GPM6B: variants seen among roughly 807,000 people sequenced by gnomAD.
The protein encoded by GPM6B is neuronal membrane glycoprotein M6-b.
GPM6B carries 4 observed loss-of-function variants against 27.2 expected under a neutral mutation model. The observed-to-expected ratio is 0.15, with a 90% CI of 0.07 to 0.34. The LOEUF is 0.34. GPM6B is among the 10% of genes least tolerant of loss of function. GPM6B has a pLI of 1.00. For missense variants in GPM6B, 183 were observed against 261.9 expected (o/e 0.70, Z 2.08); for synonymous variants, 124 against 103.1 (o/e 1.20, Z -1.23).
At chrX:13,777,561 C>G (rs1286337802) in intron 5 of GPM6B, 136 bp from the exon 6 acceptor site, 5 of 467,516 alleles carry the variant, frequency 1.1e-5, no homozygotes, top group Non-Finnish European at 1.9e-5. Context: ...GATCTGCTGT[C>G]TGCAGAACAA....
intron 1 of GPM6B, among the ~76,000 whole-genome samples, chrX:13,935,247 C>A (rs1262614682): frequency 9.5e-6 from 1 of 104,849 alleles, no homozygotes; most frequent in Non-Finnish European, 1.9e-5. Flanking sequence ...GCCTGTAATC[C>A]CAGCACTTTG....
intron 1 of GPM6B, among the ~76,000 whole-genome samples, chrX:13,916,903 G>T (rs750532107): frequency 9.0e-6 from 1 of 111,228 alleles, no homozygotes; most frequent in African/African-American, 3.3e-5. Context: ...ATTCATCACT[G>T]TGCCCATGAA....
At chrX:13,877,402 G>A (rs1199055716) in intron 1 of GPM6B, among the ~76,000 whole-genome samples, 1 of 111,598 alleles carries the variant, frequency 9.0e-6, no homozygotes, top group East Asian at 2.8e-4. Flanking sequence ...GGGAGTGAGT[G>A]GACTAGAATT....
At chrX:13,795,208 T>G (rs1396691640) in intron 2 of GPM6B, among the ~76,000 whole-genome samples, 1 of 112,350 alleles carries the variant, frequency 8.9e-6, no homozygotes, top group Non-Finnish European at 1.9e-5. Flanking sequence ...AGAACCAATA[T>G]TTTCCAAATA....
rs34401183 is a variant in GPM6B, at chrX:13,860,438, GTT to G, written c.-197-74632_-197-74631del. Reference sequence around the variant, plus strand: ...AGTCACTACAATCCCAAAACGTGGGGTTTTTTTTTTTTTTTTTGCTCTCAAAG... The same window carrying G: ...AGTCACTACAATCCCAAAACGTGGGGTTTTTTTTTTTTTTTGCTCTCAAAG... On this transcript the variant is annotated intron_variant, in intron 1 of 6. Transcript: ENST00000398361. Among the ~76,000 whole-genome samples the G allele has an allele frequency of 2.2e-3, 187 of 86,239 alleles. 1 individual carries two copies. The highest frequency in any genetic ancestry group is 6.1e-3 in the African/African-American group (143 of 23,419). The allele number at this position is 86,239 out of a possible 115,157, so 74.9% of individuals were successfully genotyped here.
intron 1 of GPM6B, among the ~76,000 whole-genome samples, chrX:13,896,798 C>T (rs978529951): frequency 9.0e-6 from 1 of 111,470 alleles, no homozygotes; most frequent in Non-Finnish European, 1.9e-5. Context: ...GAACTCCTGA[C>T]CTCAGGTGAT....
chrX:13,841,509 T>C (rs1040316405), intron 1 of GPM6B, among the ~76,000 whole-genome samples: 5 of 112,070 alleles, frequency 4.5e-5, no homozygotes, highest in East Asian at 5.6e-4. Flanking sequence ...CTCTCTAAAA[T>C]ACATGAGTTA....
intron 1 of GPM6B, among the ~76,000 whole-genome samples, chrX:13,840,441 T>C (rs1426012999): frequency 8.9e-6 from 1 of 111,751 alleles, no homozygotes; most frequent in Admixed American, 9.5e-5. Flanking sequence ...TGACATTTCC[T>C]GGTGTCCCCA....
chrX:13,938,397 G>A, exon 1 of GPM6B: 1 of 322,918 alleles, frequency 3.1e-6, no homozygotes, highest in Non-Finnish European at 5.1e-6. Context: ...AGAGGTGGCC[G>A]AGGAGGCGCC....
chrX:13,804,428 G>GC (rs1228487237), intron 2 of GPM6B, among the ~76,000 whole-genome samples: 20 of 79,012 alleles, frequency 2.5e-4, no homozygotes, highest in African/African-American at 9.8e-4. Flanking sequence ...GGGGGGGGCG[G>GC]GGGGCGGGGG....
At chrX:13,928,914 G>A (rs920578472) in intron 1 of GPM6B, among the ~76,000 whole-genome samples, 4 of 111,961 alleles carry the variant, frequency 3.6e-5, no homozygotes, top group Middle Eastern at 4.6e-3. Flanking sequence ...GGTTGTGGGG[G>A]CTGGGATGTA....
At chrX:13,935,747 C>G (rs908136610) in intron 1 of GPM6B, among the ~76,000 whole-genome samples, 2 of 112,202 alleles carry the variant, frequency 1.8e-5, no homozygotes, top group African/African-American at 6.5e-5. Context: ...AGAGTTAACA[C>G]TGAAGGGTGT....
chrX:13,906,270 C>G (rs1400817666), intron 1 of GPM6B, among the ~76,000 whole-genome samples: 2 of 112,139 alleles, frequency 1.8e-5, no homozygotes, highest in African/African-American at 6.5e-5. Flanking sequence ...AGGGAGCATG[C>G]TGAAATACAA....
At chrX:13,876,560 T>C (rs1470716427) in intron 1 of GPM6B, among the ~76,000 whole-genome samples, 2 of 111,588 alleles carry the variant, frequency 1.8e-5, no homozygotes, top group Non-Finnish European at 3.8e-5. Context: ...ATGAGAAACA[T>C]TAGGAAATGA....
intron 2 of GPM6B, among the ~76,000 whole-genome samples, chrX:13,790,402 A>AT: frequency 8.9e-6 from 1 of 112,142 alleles, no homozygotes; most frequent in East Asian, 2.8e-4. Context: ...AGCAGGGAGG[A>AT]ACTTGTGAGA....
intron 2 of GPM6B, among the ~76,000 whole-genome samples, chrX:13,788,960 G>A (rs1381630868): frequency 9.0e-6 from 1 of 111,602 alleles, no homozygotes; most frequent in Non-Finnish European, 1.9e-5. Flanking sequence ...AGATGCCAAT[G>A]CTCTTAGGTT....
chrX:13,870,162 G>A (rs940968005), intron 1 of GPM6B, among the ~76,000 whole-genome samples: 6 of 112,043 alleles, frequency 5.4e-5, no homozygotes, highest in African/African-American at 1.9e-4. Flanking sequence ...ATTGCATGGG[G>A]GGCAAATGGT....
rs749646015 is a variant in GPM6B, at chrX:13,893,295, TC to T, written c.-198+45031del. 6.6e-4 allele frequency among the ~76,000 whole-genome samples: 73 copies of T among 110,978 alleles called. 1 individual carries two copies. The highest frequency in any genetic ancestry group is 1.2e-3 in the Non-Finnish European group (64 of 53,030). ...TCTCCAAGATCTCACATCTAAGAAC[TC>T]CATCTTAAAAGCATATAATTAATTA... On this transcript the variant is annotated intron_variant, in intron 1 of 6. Coordinates refer to the GPM6B transcript ENST00000398361.
intron 2 of GPM6B, among the ~76,000 whole-genome samples, chrX:13,791,031 T>C (rs1021879108): frequency 1.8e-5 from 2 of 112,213 alleles, no homozygotes; most frequent in African/African-American, 6.5e-5. Flanking sequence ...AAGTTTACGA[T>C]AGCTAAGGAA....
Sources: gnomAD v4.1 joint callset for allele counts (sites outside exome capture counted in the v4.1 genomes callset) on GRCh38, gnomAD v4.1.1 for gene constraint, MANE v1.5 for transcripts, NCBI Gene and HGNC (gene_info 2026-07-23, HGNC 2026-07-21) for gene names.